The following DUX4 variants were observed in gnomAD, a reference collection of about 807,000 sequenced individuals.
The protein encoded by DUX4 is double homeobox 4, also known as double homeobox protein 4.
At chr4:190,176,872 G>A (rs1486997449), downstream of DUX4, among the ~76,000 whole-genome samples, 306 of 81,208 alleles carry the variant, frequency 3.8e-3, no homozygotes, top group Admixed American at 9.5e-3. Context: ...GCCCATACAA[G>A]GTTTAGATCA....
At chr4:190,177,543 C>CAGATATAG (rs1742374074), downstream of DUX4, among the ~76,000 whole-genome samples, 1 of 106,704 alleles carries the variant, frequency 9.4e-6, no homozygotes, top group Non-Finnish European at 2.1e-5. Flanking sequence ...CCCCTTTAGG[C>CAGATATAG]ACAGCTTAGA....
downstream of DUX4, among the ~76,000 whole-genome samples, chr4:190,178,114 C>A (rs1200870405): frequency 0.01 from 71 of 7,062 alleles, no homozygotes; most frequent in South Asian, 0.021. Context: ...AGTTACATAA[C>A]CCAGGTGATC....
At chr4:190,181,533 C>T (rs1579837670) in intron 1 of DUX4, among the ~76,000 whole-genome samples, 2,749 of 56,492 alleles carry the variant, frequency 0.049, 4 homozygotes, top group Non-Finnish European at 0.067. Flanking sequence ...TACATCACCT[C>T]GGTGATCAAT....
At chr4:190,178,199 A>T (rs1742409380), downstream of DUX4, among the ~76,000 whole-genome samples, 10 of 151,888 alleles carry the variant, frequency 6.6e-5, no homozygotes, top group African/African-American at 2.4e-4. Flanking sequence ...TGATCAGTGC[A>T]GAGATATGTC....
At chr4:190,181,530 C>CGGTGGTGATCAATGAAGTGATATGTCA (rs1742579214) in intron 1 of DUX4, among the ~76,000 whole-genome samples, 1 of 26,660 alleles carries the variant, frequency 3.8e-5, no homozygotes, top group African/African-American at 1.2e-4. Context: ...AGTTACATCA[C>CGGTGGTGATCAATGAAGTGATATGTCA]CTCGGTGATC....
At position 190,183,700 on chromosome 4, in the gene DUX4, C is replaced by G. The variant is rs1171669390; in HGVS notation, n.93-1641C>G. Among the ~76,000 whole-genome samples the G allele has an allele frequency of 4.4e-5, 5 of 112,820 alleles. No homozygotes were observed. The Admixed American group carries it at 5.4e-4, about 12-fold the overall frequency. The allele number at this position is 112,820 out of a possible 152,430, so 74.0% of individuals were successfully genotyped here. ...CCTACGTTCCAAAAGCCTACTCAAGCCATTTGTTCTTATTTTAAGGAAAAT... is the reference window on the plus strand; with the variant it reads ...CCTACGTTCCAAAAGCCTACTCAAGGCATTTGTTCTTATTTTAAGGAAAAT... On this transcript the variant is annotated intron_variant and non_coding_transcript_variant, in intron 1 of 2. Coordinates refer to the DUX4 transcript ENST00000563716.
chr4:190,182,208 T>TAGGGTGAGGGTAAGGGTG, intron 1 of DUX4: 1 of 110,390 alleles, frequency 9.1e-6, no homozygotes, highest in Admixed American at 1.1e-4. Flanking sequence ...GGGTGAGGGT[T>TAGGGTGAGGGTAAGGGTG]AGGGTGAGGG....
chr4:190,179,427 A>G (rs1421012286), downstream of DUX4, among the ~76,000 whole-genome samples: 14 of 1,452 alleles, frequency 9.6e-3, no homozygotes, highest in East Asian at 0.014. Flanking sequence ...TGATCATTGC[A>G]GGGATATGTC....
At chr4:190,179,312 T>TGTAGGCAGA (rs1742486742), downstream of DUX4, among the ~76,000 whole-genome samples, 1 of 2,280 alleles carries the variant, frequency 4.4e-4, no homozygotes. Context: ...ACAATGCCAC[T>TGTAGGCAGA]GTAGGCAGAG....
chr4:190,178,015 TGTAAGCAG>T (rs1742399558), downstream of DUX4, among the ~76,000 whole-genome samples: 1 of 147,766 alleles, frequency 6.8e-6, no homozygotes. Context: ...CAATGCCCCC[TGTAAGCAG>T]ATCCCAGACA....
chr4:190,177,870 ATG>A (rs1742392063), downstream of DUX4, among the ~76,000 whole-genome samples: 5 of 145,422 alleles, frequency 3.4e-5, no homozygotes, highest in East Asian at 2.1e-4. Flanking sequence ...ATATGTCACA[ATG>A]TCCCTGTAGC....
At chr4:190,178,077 T>TA (rs1742403339), downstream of DUX4, among the ~76,000 whole-genome samples, 1 of 30,512 alleles carries the variant, frequency 3.3e-5, no homozygotes, top group Non-Finnish European at 7.7e-5. Flanking sequence ...TACGTCACAA[T>TA]GCCCCTGTAG....
At chr4:190,179,794 C>CA, downstream of DUX4, among the ~76,000 whole-genome samples, 1 of 5,880 alleles carries the variant, frequency 1.7e-4, no homozygotes, top group Admixed American at 1.9e-3. Context: ...CCCCTGTAGG[C>CA]AAGCCTACAC....
chr4:190,183,662 C>T lies in DUX4; in HGVS notation n.93-1679C>T, dbSNP rs1319776898. Among the ~76,000 whole-genome samples, 3 of 111,098 alleles carry T rather than the reference C, an allele frequency of 2.7e-5. 1 individual carries two copies. Among genetic ancestry groups the T allele is most frequent in the Non-Finnish European group, 6.4e-5 (3 of 47,124 alleles). The allele number at this position is 111,098 out of a possible 152,430, so 72.9% of individuals were successfully genotyped here. A position where few individuals can be genotyped will look rare whatever the true frequency, so the allele number is the denominator to read the frequency against. ...TGGGAATACTGAACACAGAAATGAACCAATGGAAACATCCTACGTTCCAAA... is the reference window on the plus strand; with the variant it reads ...TGGGAATACTGAACACAGAAATGAATCAATGGAAACATCCTACGTTCCAAA... On this transcript the variant is annotated intron_variant and non_coding_transcript_variant, in intron 1 of 2. Transcript: ENST00000563716.
At chr4:190,178,646 ATAAAAGTGT>A (rs1742439063), downstream of DUX4, among the ~76,000 whole-genome samples, 1 of 152,272 alleles carries the variant, frequency 6.6e-6, no homozygotes, top group Non-Finnish European at 1.5e-5. Context: ...GGCAGTGCTT[ATAAAAGTGT>A]TACATCACCT....
chr4:190,176,401 A>T (rs1742306392), downstream of DUX4, among the ~76,000 whole-genome samples: 2 of 111,776 alleles, frequency 1.8e-5, no homozygotes, highest in East Asian at 3.3e-4. Flanking sequence ...CAGGAGTTAC[A>T]TCACCTTGGG....
At chr4:190,183,650 C>G (rs1360479179) in intron 1 of DUX4, among the ~76,000 whole-genome samples, 1 of 110,686 alleles carries the variant, frequency 9.0e-6, no homozygotes, top group East Asian at 2.9e-4. Context: ...GAATACTGAA[C>G]ACAGAAATGA....
chr4:190,181,647 C>A (rs1579837886), intron 1 of DUX4, among the ~76,000 whole-genome samples: 1,467 of 73,214 alleles, frequency 0.02, no homozygotes, highest in Admixed American at 0.029. Flanking sequence ...TAGGCAGAGC[C>A]TAGACAAGAG....
At chr4:190,183,319 T>C (rs1340570348) in intron 1 of DUX4, 1,501 of 108,856 alleles carry the variant, frequency 0.014, 112 homozygotes, top group African/African-American at 0.038. Context: ...GTGTTCCTGC[T>C]AAATCATGGA....
Sources: allele counts gnomAD v4.1 joint callset (sites outside exome capture counted in the v4.1 genomes callset), GRCh38; gene constraint gnomAD v4.1.1; transcripts MANE v1.5; gene names NCBI Gene and HGNC (gene_info 2026-07-23, HGNC 2026-07-21).